The following RIMS1 variants were observed in gnomAD, a reference collection of about 807,000 sequenced individuals.
RIMS1 encodes the protein regulating synaptic membrane exocytosis protein 1.
In RIMS1, 83 loss-of-function variants were observed where a neutral mutation model predicts 214.1. The observed-to-expected ratio is 0.39, with a 90% CI of 0.32 to 0.47. The LOEUF is 0.47. Among genes scored for constraint, RIMS1 ranks in the 20% least tolerant of loss-of-function variants. The pLI is 0.99. For missense variants in RIMS1, 2,050 were observed against 2,161.8 expected (o/e 0.95, Z 1.03); for synonymous variants, 793 against 786.8 (o/e 1.01, Z -0.13).
chr6:71,989,968 C>T (rs1335812463), intron 2 of RIMS1, among the ~76,000 whole-genome samples: 1 of 152,166 alleles, frequency 6.6e-6, no homozygotes, highest in African/African-American at 2.4e-5. Context: ...GGGACACCCA[C>T]GTCCCAGCTT....
Position 72,169,064 on chromosome 6 carries a change from G to A in RIMS1, c.472-10511G>A, listed in dbSNP as rs144549342. 1.4e-3 allele frequency among the ~76,000 whole-genome samples: 211 copies of A among 152,148 alleles called. 2 individuals carry two copies. The highest frequency in any genetic ancestry group is 4.8e-3 in the African/African-American group (201 of 41,490). ...TGAGGCTCCTGTCTAACATTTAAGT[G>A]GCCATATATAGTAAATAAGAAGATA... On this transcript the variant is annotated intron_variant, in intron 4 of 33. Transcript: ENST00000521978.
chr6:72,124,709 C>A (rs1281333674), intron 4 of RIMS1, among the ~76,000 whole-genome samples: 1 of 152,044 alleles, frequency 6.6e-6, no homozygotes, highest in African/African-American at 2.4e-5. Context: ...CTTCTTTTCT[C>A]ACTTCATTTC....
intron 22 of RIMS1, among the ~76,000 whole-genome samples, chr6:72,272,776 A>G (rs1185713666): frequency 6.6e-6 from 1 of 152,172 alleles, no homozygotes; most frequent in Non-Finnish European, 1.5e-5. Flanking sequence ...AATAACACCA[A>G]AAGTTTTAAC....
chr6:72,237,749 G>A, intron 8 of RIMS1, 74 bp from the exon 9 acceptor site: 1 of 1,055,190 alleles, frequency 9.5e-7, no homozygotes, highest in Non-Finnish European at 1.5e-6. Flanking sequence ...AAAGAATGTA[G>A]GATTAATTCC....
At chr6:72,131,126 T>G (rs1193923225) in intron 4 of RIMS1, among the ~76,000 whole-genome samples, 15 of 152,194 alleles carry the variant, frequency 9.9e-5, no homozygotes. Flanking sequence ...CTACATCTGT[T>G]GATATTTCAA....
At chr6:72,339,752 C>T (rs1203309806) in intron 29 of RIMS1, among the ~76,000 whole-genome samples, 13 of 151,770 alleles carry the variant, frequency 8.6e-5, no homozygotes, top group African/African-American at 1.9e-4. Flanking sequence ...CGTACGTGTG[C>T]ATGTGTCTTT....
At chr6:72,029,769 A>T (rs1037126862) in intron 2 of RIMS1, among the ~76,000 whole-genome samples, 3 of 152,156 alleles carry the variant, frequency 2.0e-5, no homozygotes, top group African/African-American at 7.2e-5. Context: ...AGCTCCTGGC[A>T]TTTTATTATC....
chr6:71,995,171 A>T (rs1241884737), intron 2 of RIMS1, among the ~76,000 whole-genome samples: 1 of 152,184 alleles, frequency 6.6e-6, no homozygotes, highest in East Asian at 1.9e-4. Flanking sequence ...AATTATTTAT[A>T]AAAAACAGAG....
chr6:72,213,691 T>C (rs1330885171), intron 6 of RIMS1, among the ~76,000 whole-genome samples: 1 of 152,206 alleles, frequency 6.6e-6, no homozygotes, highest in Non-Finnish European at 1.5e-5. Context: ...GAAGTTTGTG[T>C]CACTTTTTTA....
chr6:72,240,832 A>T (rs533828638), intron 9 of RIMS1, among the ~76,000 whole-genome samples: 2 of 152,102 alleles, frequency 1.3e-5, no homozygotes, highest in African/African-American at 2.4e-5. Context: ...CCTGGCCAAC[A>T]TGGTGAAACC....
intron 2 of RIMS1, among the ~76,000 whole-genome samples, chr6:71,984,605 G>GC (rs1280802612): frequency 6.6e-6 from 1 of 152,106 alleles, no homozygotes; most frequent in Non-Finnish European, 1.5e-5. Flanking sequence ...CAAACTGGTT[G>GC]CCAGTACTTG....
At chr6:72,308,273 T>A (rs1592848432) in intron 27 of RIMS1, among the ~76,000 whole-genome samples, 1 of 152,224 alleles carries the variant, frequency 6.6e-6, no homozygotes, top group East Asian at 1.9e-4. Context: ...TATCTGATAA[T>A]TTTAAATAAA....
At chr6:72,219,098 T>C (rs577096761) in intron 6 of RIMS1, among the ~76,000 whole-genome samples, 1 of 152,322 alleles carries the variant, frequency 6.6e-6, no homozygotes, top group South Asian at 2.1e-4. Flanking sequence ...ACAGCAAATA[T>C]ATATTCTCCC....
chr6:72,399,166 C>T (rs2098812077), intron 33 of RIMS1, 72 bp downstream of exon 33: 2 of 1,284,388 alleles, frequency 1.6e-6, no homozygotes, highest in Non-Finnish European at 2.1e-6. Context: ...GATGGTCAAA[C>T]ACAAAGAGAA....
chr6:72,107,945 A>G (rs2035102761), intron 4 of RIMS1, among the ~76,000 whole-genome samples: 1 of 152,274 alleles, frequency 6.6e-6, no homozygotes, highest in East Asian at 1.9e-4. Flanking sequence ...AGATTACACA[A>G]CAGCCTTAGC....
chr6:71,934,026 C>G (rs574748850), intron 1 of RIMS1, among the ~76,000 whole-genome samples: 2 of 152,286 alleles, frequency 1.3e-5, no homozygotes, highest in African/African-American at 4.8e-5. Flanking sequence ...GTCTGGAGAA[C>G]TCTCCCACCT....
chr6:72,170,283 T>C (rs2046845238), intron 4 of RIMS1, among the ~76,000 whole-genome samples: 1 of 152,184 alleles, frequency 6.6e-6, no homozygotes, highest in South Asian at 2.1e-4. Context: ...TTCTTTTGCA[T>C]TTATTCCTCA....
chr6:72,245,734 A>AT (rs2069202637), intron 10 of RIMS1, 81 bp from the exon 11 acceptor site: 12 of 1,085,604 alleles, frequency 1.1e-5, no homozygotes, highest in Admixed American at 3.6e-5. Flanking sequence ...AGGATTTTTC[A>AT]CATCACGTAT....
At chr6:72,011,465 T>A (rs1184016584) in intron 2 of RIMS1, among the ~76,000 whole-genome samples, 1 of 151,990 alleles carries the variant, frequency 6.6e-6, no homozygotes, top group Admixed American at 6.6e-5. Context: ...CAACAAAAGT[T>A]AAAATTGACA....
Sources: gnomAD v4.1 joint callset for allele counts (sites outside exome capture counted in the v4.1 genomes callset) on GRCh38, gnomAD v4.1.1 for gene constraint, MANE v1.5 for transcripts, NCBI Gene and HGNC (gene_info 2026-07-23, HGNC 2026-07-21) for gene names.